The following KCNJ16 variants were observed in gnomAD, a reference collection of about 807,000 sequenced individuals.
The protein encoded by KCNJ16 is inward rectifier potassium channel 16.
KCNJ16 carries 15 observed loss-of-function variants against 18.5 expected under a neutral mutation model. The ratio of observed to expected loss-of-function variants is 0.81; its 90% CI spans 0.54 to 1.25. The LOEUF is 1.25. KCNJ16 is among the 50% of genes most tolerant of loss of function. The pLI is 0.00. For synonymous variants in KCNJ16, 174 were observed against 186.5 expected (o/e 0.93, Z 0.55); for missense variants, 523 against 525.7 (o/e 0.99, Z 0.05).
chr17:70,128,973 C>T (rs1032302832), intron 2 of KCNJ16: 3 of 152,292 alleles, frequency 2.0e-5, no homozygotes, highest in East Asian at 1.9e-4. Context: ...GACGGCCTCT[C>T]TTTCCGTCTT....
chr17:70,112,309 CA>C (rs2073220757), intron 2 of KCNJ16, among the ~76,000 whole-genome samples: 1 of 151,644 alleles, frequency 6.6e-6, no homozygotes, highest in Non-Finnish European at 1.5e-5. Flanking sequence ...AGGGAGCTGG[CA>C]TGGGCATATT....
chr17:70,086,657 T>C (rs892447221), intron 1 of KCNJ16, among the ~76,000 whole-genome samples: 3 of 152,190 alleles, frequency 2.0e-5, no homozygotes, highest in African/African-American at 7.2e-5. Context: ...ATTAGTACAT[T>C]CATGTTGAGG....
At chr17:70,129,930 A>G (rs2073999461) in intron 2 of KCNJ16, among the ~76,000 whole-genome samples, 1 of 151,050 alleles carries the variant, frequency 6.6e-6, no homozygotes, top group South Asian at 2.1e-4. Context: ...TTATTTATTT[A>G]TTTATTTATT....
At chr17:70,092,967 C>A (rs2072193015) in intron 1 of KCNJ16, among the ~76,000 whole-genome samples, 1 of 152,158 alleles carries the variant, frequency 6.6e-6, no homozygotes, top group African/African-American at 2.4e-5. Flanking sequence ...ATCTCAAATG[C>A]CAGACATCCT....
At chr17:70,103,439 T>C (rs375802312) in intron 2 of KCNJ16, among the ~76,000 whole-genome samples, 1 of 151,284 alleles carries the variant, frequency 6.6e-6, no homozygotes, top group East Asian at 2.0e-4. Context: ...AGTGCTAGGA[T>C]TACAGGGGTG....
At chr17:70,082,814 T>A (rs2071612990) in intron 1 of KCNJ16, among the ~76,000 whole-genome samples, 1 of 152,104 alleles carries the variant, frequency 6.6e-6, no homozygotes, top group Non-Finnish European at 1.5e-5. Context: ...AGGAGATAAG[T>A]AAGGTAGACT....
chr17:70,102,113 T>A (rs187182412), intron 2 of KCNJ16: 1 of 151,512 alleles, frequency 6.6e-6, no homozygotes, highest in Non-Finnish European at 1.5e-5. Flanking sequence ...AAGGACCCAG[T>A]GGCTGATTCA....
intron 3 of KCNJ16, among the ~76,000 whole-genome samples, 192 bp from the exon 4 acceptor site, chr17:70,131,803 T>C (rs1191310504): frequency 1.3e-5 from 2 of 152,222 alleles, no homozygotes; most frequent in African/African-American, 4.8e-5. Context: ...TTATTTTCTC[T>C]AATTGCATAT....
chr17:70,104,987 A>G (rs2072848823), intron 2 of KCNJ16: 1 of 152,622 alleles, frequency 6.6e-6, no homozygotes, highest in South Asian at 2.1e-4. Flanking sequence ...GGGCCAAGAG[A>G]AAAGGGCCCT....
At chr17:70,077,854 A>T (rs1042198261) in intron 1 of KCNJ16, among the ~76,000 whole-genome samples, 10 of 151,868 alleles carry the variant, frequency 6.6e-5, no homozygotes, top group African/African-American at 2.2e-4. Flanking sequence ...TTCAGGCCCA[A>T]GGGCCCAGAT....
At chr17:70,103,308 A>ATG (rs1257410369) in intron 2 of KCNJ16, among the ~76,000 whole-genome samples, 3 of 13,824 alleles carry the variant, frequency 2.2e-4, no homozygotes, top group Non-Finnish European at 3.7e-4. Context: ...ATATATATAT[A>ATG]TATATATATA....
chr17:70,120,648 T>C (rs1283137308), intron 2 of KCNJ16, among the ~76,000 whole-genome samples: 3 of 151,980 alleles, frequency 2.0e-5, no homozygotes, highest in African/African-American at 4.8e-5. Context: ...GAGAAGTGTC[T>C]GGGGGGAAAG....
intron 2 of KCNJ16, among the ~76,000 whole-genome samples, chr17:70,116,254 C>T (rs893586535): frequency 1.3e-5 from 2 of 151,876 alleles, no homozygotes; most frequent in African/African-American, 4.8e-5. Flanking sequence ...ATTTTTTTCC[C>T]GTCACTCTTC....
chr17:70,131,691 A>C (rs2074062679), intron 3 of KCNJ16, among the ~76,000 whole-genome samples: 1 of 152,240 alleles, frequency 6.6e-6, no homozygotes, highest in African/African-American at 2.4e-5. Flanking sequence ...ATAGTTTACA[A>C]AAATAAAGCA....
intron 2 of KCNJ16, chr17:70,101,754 A>C (rs1440395261): frequency 6.7e-6 from 1 of 149,590 alleles, no homozygotes; most frequent in Non-Finnish European, 1.5e-5. Context: ...AGATTTCTTT[A>C]GTGTTATGTT....
At chr17:70,096,179 A>C in intron 1 of KCNJ16, among the ~76,000 whole-genome samples, 1 of 152,072 alleles carries the variant, frequency 6.6e-6, no homozygotes, top group South Asian at 2.1e-4. Flanking sequence ...CACCGCACCC[A>C]GCCTACTCAA....
Position 70,129,461 on chromosome 17 carries a change from A to G in KCNJ16, c.-190-1418A>G, listed in dbSNP as rs75095207. On this transcript the variant is annotated intron_variant, in intron 2 of 3. Coordinates refer to ENST00000392671, the MANE Select transcript of KCNJ16 (RefSeq NM_170741.4). ...AAGGCCTCCATAAACTTCTTTGCTCATTGGGTAGGCTGAGAAATGGGTCAG... is the reference window on the plus strand; with the variant it reads ...AAGGCCTCCATAAACTTCTTTGCTCGTTGGGTAGGCTGAGAAATGGGTCAG... 1.7e-4 allele frequency among the ~76,000 whole-genome samples: 26 copies of G among 152,324 alleles called. No homozygotes were observed. The East Asian group carries it at 4.8e-3, about 28-fold the overall frequency.
chr17:70,077,332 C>T (rs1324200892), intron 1 of KCNJ16, among the ~76,000 whole-genome samples: 2 of 152,092 alleles, frequency 1.3e-5, no homozygotes, highest in African/African-American at 2.4e-5. Flanking sequence ...AGGAGTATTG[C>T]GGATGACAGG....
intron 2 of KCNJ16, among the ~76,000 whole-genome samples, chr17:70,113,964 T>C (rs992818799): frequency 5.3e-4 from 80 of 152,100 alleles, no homozygotes; most frequent in Non-Finnish European, 7.4e-5. Flanking sequence ...CACACACTAA[T>C]AGAAAGTTAA....
Sources: allele counts gnomAD v4.1 joint callset (sites outside exome capture counted in the v4.1 genomes callset), GRCh38; gene constraint gnomAD v4.1.1; transcripts MANE v1.5; gene names NCBI Gene and HGNC (gene_info 2026-07-23, HGNC 2026-07-21).